Variants in XYLT1 observed in about 807,000 individuals in gnomAD.
XYLT1 encodes the protein beta-D-xylosyltransferase 1.
In XYLT1, 36 loss-of-function variants were observed where a neutral mutation model predicts 91.3. The ratio of observed to expected loss-of-function variants is 0.39; its 90% CI spans 0.30 to 0.52. The LOEUF (loss-of-function observed/expected upper bound fraction) is 0.52. Among genes scored for constraint, XYLT1 ranks in the 20% least tolerant of loss-of-function variants. XYLT1 has a pLI of 0.68. For synonymous variants in XYLT1, 588 were observed against 532.0 expected (o/e 1.11, Z -1.45); for missense variants, 1,242 against 1,284.5 (o/e 0.97, Z 0.51).
intron 10 of XYLT1, among the ~76,000 whole-genome samples, chr16:17,122,262 A>G (rs1397898089): frequency 6.6e-6 from 1 of 152,030 alleles, no homozygotes; most frequent in Non-Finnish European, 1.5e-5. Context: ...CCATGCCAAC[A>G]TCTGTTATTT....
chr16:17,113,701 C>T (rs775312563), intron 11 of XYLT1, among the ~76,000 whole-genome samples: 13 of 152,242 alleles, frequency 8.5e-5, no homozygotes, highest in Non-Finnish European at 1.3e-4. Context: ...AGAATCTGAA[C>T]AGACAGGGCT....
rs117494859 is a variant in XYLT1 at position 17,199,196 on chromosome 16, G to C, written c.1087-782C>G. 3.1e-4 allele frequency among the ~76,000 whole-genome samples: 47 copies of C among 152,240 alleles called. No homozygotes were observed. The East Asian group carries it at 8.5e-3, about 27-fold the overall frequency. On this transcript the variant is annotated intron_variant, in intron 4 of 11. Transcript: ENST00000261381. ...TTGCTCCTCCATTATCCTCTCACAG[G>C]TCTGCTAGAAGCCGACCTTTTGGAC...
chr16:17,205,217 T>TA (rs2032622017), intron 3 of XYLT1, among the ~76,000 whole-genome samples: 1 of 152,248 alleles, frequency 6.6e-6, no homozygotes, highest in African/African-American at 2.4e-5. Flanking sequence ...TTAGTTCTGT[T>TA]ACTCAAATTC....
chr16:17,212,148 C>T (rs1299048925), intron 3 of XYLT1, among the ~76,000 whole-genome samples: 1 of 152,142 alleles, frequency 6.6e-6, no homozygotes, highest in African/African-American at 2.4e-5. Context: ...AGTTTCAGCC[C>T]CAACCCCAAA....
intron 2 of XYLT1, among the ~76,000 whole-genome samples, chr16:17,349,929 A>G (rs1456886941): frequency 1.3e-5 from 2 of 151,734 alleles, no homozygotes; most frequent in African/African-American, 4.9e-5. Context: ...GCTGGAGTGC[A>G]GTGGTGCAAT....
chr16:17,431,350 G>A (rs2036388172), intron 1 of XYLT1, among the ~76,000 whole-genome samples: 1 of 152,128 alleles, frequency 6.6e-6, no homozygotes, highest in Non-Finnish European at 1.5e-5. Context: ...GTCGGGAGTG[G>A]GGCTTGAGAT....
intron 5 of XYLT1, among the ~76,000 whole-genome samples, chr16:17,175,726 T>C (rs1202944550): frequency 1.3e-5 from 2 of 152,186 alleles, no homozygotes; most frequent in Non-Finnish European, 2.9e-5. Context: ...GAAGCCAGCA[T>C]ATAGCCAGAC....
chr16:17,296,461 C>T (rs986262667), intron 2 of XYLT1, among the ~76,000 whole-genome samples: 31 of 152,118 alleles, frequency 2.0e-4, no homozygotes, highest in Admixed American at 1.7e-3. Context: ...AGCAGAGGAC[C>T]CGATTCCCTG....
intron 2 of XYLT1, among the ~76,000 whole-genome samples, chr16:17,336,907 C>A (rs922043693): frequency 2.8e-4 from 42 of 152,182 alleles, no homozygotes; most frequent in Admixed American, 1.3e-4. Flanking sequence ...CTGGCCTGCA[C>A]AAGCCAGTGA....
At chr16:17,337,618 C>T (rs1182525346) in intron 2 of XYLT1, among the ~76,000 whole-genome samples, 2 of 152,084 alleles carry the variant, frequency 1.3e-5, no homozygotes, top group South Asian at 2.1e-4. Flanking sequence ...TTCCTTAGAT[C>T]TCTCCCTAGC....
intron 2 of XYLT1, among the ~76,000 whole-genome samples, chr16:17,310,739 C>G (rs768796000): frequency 2.0e-5 from 3 of 152,136 alleles, no homozygotes; most frequent in African/African-American, 7.2e-5. Context: ...ATCCTAGCTA[C>G]TAGGGAGGCT....
At chr16:17,285,874 CTGTGTGTGTGTGTGTGTGTGTGTGTGTG>C (rs56267931) in intron 2 of XYLT1, among the ~76,000 whole-genome samples, 1 of 145,156 alleles carries the variant, frequency 6.9e-6, no homozygotes, top group Non-Finnish European at 1.5e-5. Flanking sequence ...TGGTGTATCT[CTGTGTGTGTGTGTGTGTGTGTGTGTGTG>C]TGTGTGTGTG....
chr16:17,344,794 G>A (rs1043316128), intron 2 of XYLT1, among the ~76,000 whole-genome samples: 3 of 151,682 alleles, frequency 2.0e-5, no homozygotes, highest in East Asian at 2.0e-4. Flanking sequence ...TCTGCCTTCC[G>A]GATTCAAGTG....
intron 2 of XYLT1, among the ~76,000 whole-genome samples, chr16:17,265,865 C>A (rs1168111731): frequency 6.6e-6 from 1 of 152,112 alleles, no homozygotes; most frequent in Non-Finnish European, 1.5e-5. Context: ...TTTAAACTAT[C>A]CACCTTTGCT....
chr16:17,232,807 G>A (rs2033187734), intron 3 of XYLT1, among the ~76,000 whole-genome samples: 1 of 152,038 alleles, frequency 6.6e-6, no homozygotes, highest in Non-Finnish European at 1.5e-5. Context: ...TCATGGTGTT[G>A]GTGATAATGT....
At chr16:17,329,690 G>A (rs753341742) in intron 2 of XYLT1, among the ~76,000 whole-genome samples, 5 of 152,116 alleles carry the variant, frequency 3.3e-5, no homozygotes, top group African/African-American at 4.8e-5. Flanking sequence ...CTGTGCCTCC[G>A]GGTCTGTTAC....
chr16:17,404,954 C>T (rs1030337142), intron 1 of XYLT1, among the ~76,000 whole-genome samples: 2 of 152,160 alleles, frequency 1.3e-5, no homozygotes, highest in African/African-American at 4.8e-5. Flanking sequence ...GCCCTCCACA[C>T]AGAATACAAC....
At chr16:17,170,835 G>T (rs2031804436) in intron 5 of XYLT1, among the ~76,000 whole-genome samples, 1 of 152,144 alleles carries the variant, frequency 6.6e-6, no homozygotes, top group South Asian at 2.1e-4. Context: ...AATTTGCAGT[G>T]GTTAAAATAA....
At chr16:17,272,130 TTTTAA>T (rs2033904539) in intron 2 of XYLT1, among the ~76,000 whole-genome samples, 1 of 151,478 alleles carries the variant, frequency 6.6e-6, no homozygotes, top group Non-Finnish European at 1.5e-5. Context: ...ATGGCATGTC[TTTTAA>T]TTTATTTTTT....
Sources: gnomAD v4.1 joint callset for allele counts (sites outside exome capture counted in the v4.1 genomes callset) on GRCh38, gnomAD v4.1.1 for gene constraint, MANE v1.5 for transcripts, NCBI Gene and HGNC (gene_info 2026-07-23, HGNC 2026-07-21) for gene names.